ASB14: variants seen among roughly 807,000 people sequenced by gnomAD.
The protein encoded by ASB14 is ankyrin repeat and SOCS box protein 14.
In ASB14, 63 loss-of-function variants were observed where a neutral mutation model predicts 55.6. The observed-to-expected ratio is 1.13, with a 90% CI of 0.92 to 1.40. The LOEUF (loss-of-function observed/expected upper bound fraction) is 1.40. Ranked by LOEUF, ASB14 falls within the 40% of genes most tolerant of loss-of-function variation. ASB14 has a pLI of 0.00. For missense variants in ASB14, 724 were observed against 710.4 expected (o/e 1.02, Z -0.22); for synonymous variants, 256 against 259.9 (o/e 0.98, Z 0.15).
At position 57,288,001 on chromosome 3, in the gene ASB14, C is replaced by CA. The variant is rs770471078; in HGVS notation, c.368dup (p.Leu123PhefsTer24). ...TTTCTAAGAGGCAACTGCTGACAGC[C>CA]AAAAAAAGTGGCGTTTCACCATTGT... On this transcript the variant is annotated frameshift_variant, in exon 5 of 11. Coordinates refer to ENST00000487349, the MANE Select transcript of ASB14 (RefSeq NM_001142733.3). LOFTEE classifies it high-confidence loss of function. 2.1e-5 allele frequency: 33 copies of CA among 1,536,894 alleles called. No individual in the cohort carries two copies. Among genetic ancestry groups the CA allele is most frequent in the African/African-American group, 9.6e-5 (7 of 73,006 alleles).
At position 57,268,776 on chromosome 3, in the gene ASB14, A is replaced by C. The variant is rs1335569402; in HGVS notation, c.*865T>G. 1.6e-5 allele frequency: 3 copies of C among 183,730 alleles called. No homozygotes were observed. The highest frequency in any genetic ancestry group is 3.4e-5 in the Non-Finnish European group (3 of 89,322). The allele number at this position is 183,730 out of a possible 1,614,324, so 11.4% of individuals were successfully genotyped here. ...AGCAGTTGAGAGGCTGTGTAGACTTAACTGCCATTGCTGAAAGCCATTTTG... is the reference window on the plus strand; with the variant it reads ...AGCAGTTGAGAGGCTGTGTAGACTTCACTGCCATTGCTGAAAGCCATTTTG... On this transcript the variant is annotated 3_prime_UTR_variant, in exon 11 of 11. Transcript: ENST00000487349.
Position 57,278,718 on chromosome 3 carries a change from C to G in ASB14, c.1090G>C (p.Val364Leu). ...ACTGAAGAGAGGTCACTGTTTGATA[C>G]AGCAAAATACAAAGCTGACTTCCTG... is the stretch of plus-strand genomic sequence containing the variant. ...DHRKSALYFA[V>L]SNSDLSSVKL... The change falls in exon 8 of 11, where the codon GTA (valine) becomes CTA (leucine). Residue 364 changes from valine to leucine, a missense_variant. Transcript: ENST00000487349. The G allele has an allele frequency of 6.2e-7, 1 of 1,613,990 alleles. No individual in the cohort carries two copies. The highest frequency in any genetic ancestry group is 8.5e-7 in the Non-Finnish European group (1 of 1,179,974).
At chr3:57,283,613 C>T (rs1364621117) in intron 5 of ASB14, among the ~76,000 whole-genome samples, 174 bp from the exon 6 acceptor site, 1 of 152,162 alleles carries the variant, frequency 6.6e-6, no homozygotes, top group Non-Finnish European at 1.5e-5. Flanking sequence ...ATAATACTTA[C>T]TGAGAATGTT....
At chr3:57,272,662 T>G (rs2060950776) in intron 10 of ASB14, 1 of 152,176 alleles carries the variant, frequency 6.6e-6, no homozygotes, top group African/African-American at 2.4e-5. Context: ...TGCAGTGGTG[T>G]GATCTTGGGT....
intron 10 of ASB14, chr3:57,271,464 A>G (rs1240036595): frequency 1.3e-5 from 2 of 152,420 alleles, no homozygotes; most frequent in Non-Finnish European, 2.9e-5. Flanking sequence ...TAAAGTTGGA[A>G]TTTATTCTGT....
chr3:57,283,023 T>G, intron 6 of ASB14, 171 bp downstream of exon 6: 1 of 537,656 alleles, frequency 1.9e-6, no homozygotes, highest in Non-Finnish European at 2.4e-6. Context: ...TAATAAAAAA[T>G]TCAGTCTTTA....
At chr3:57,273,035 T>G in intron 10 of ASB14, 1 of 152,668 alleles carries the variant, frequency 6.6e-6, no homozygotes, top group East Asian at 1.9e-4. Context: ...CCCATGAGAT[T>G]TTGTCTTTCT....
chr3:57,291,417 C>T (rs1213065612), intron 2 of ASB14, among the ~76,000 whole-genome samples: 1 of 152,110 alleles, frequency 6.6e-6, no homozygotes, highest in Non-Finnish European at 1.5e-5. Flanking sequence ...CCCACTGGTC[C>T]TTTTTCAGTG....
intron 5 of ASB14, among the ~76,000 whole-genome samples, chr3:57,286,161 T>C (rs753921496): frequency 7.2e-5 from 11 of 152,226 alleles, no homozygotes; most frequent in Non-Finnish European, 1.2e-4. Context: ...TTGAGATGTC[T>C]GAAACCATTC....
Position 57,280,347 on chromosome 3 carries a change from G to C in ASB14, c.842C>G (p.Ser281Ter). The C allele has an allele frequency of 6.4e-7, 1 of 1,551,040 alleles. No homozygotes were observed. Among genetic ancestry groups the C allele is most frequent in the Non-Finnish European group, 8.7e-7 (1 of 1,146,566 alleles). Reference protein sequence around the residue: ...YGADANIPKNSGHLPIHVAAD... With the variant: ...YGADANIPKN ...TGCCACATGGATGGGCAGGTGGCCT[G>C]AATTCTTAGGGATGTTGGCATCAGC... is the stretch of plus-strand genomic sequence containing the variant. Residue 281 changes from serine (S) to a stop codon, truncating the protein, a stop_gained, in exon 7 of 11, where the codon TCA (serine) becomes TGA (stop). Transcript: ENST00000487349. LOFTEE classifies it high-confidence loss of function.
intron 2 of ASB14, among the ~76,000 whole-genome samples, chr3:57,290,354 C>A (rs2061119082): frequency 6.6e-6 from 1 of 152,164 alleles, no homozygotes; most frequent in Non-Finnish European, 1.5e-5. Flanking sequence ...GGGCTTAGTC[C>A]TTTTAACACT....
rs1442783411 is a variant in ASB14, at chr3:57,276,700, G to T, written c.1614C>A (p.Cys538Ter). The change falls in exon 10 of 11, where the codon TGC (cysteine) becomes TGA (stop). Residue 538 changes from cysteine to a stop codon, truncating the protein, a stop_gained. Coordinates refer to ENST00000487349, the MANE Select transcript of ASB14 (RefSeq NM_001142733.3). LOFTEE classifies it high-confidence loss of function. ...LTNPRSLKHLCRLKIRKCMGR... is the reference protein window; with the variant it reads ...LTNPRSLKHL ...CCATGCATTTCCGGATCTTTAGGCG[G>T]CACAAATGTTTTAGGGAGCGAGGGT... is the stretch of plus-strand genomic sequence containing the variant. 1.9e-6 allele frequency: 3 copies of T among 1,613,276 alleles called. No homozygotes were observed. In the East Asian group the frequency reaches 6.7e-5, roughly 36 times the overall value.
chr3:57,289,456 T>C (rs1349912866), intron 2 of ASB14, among the ~76,000 whole-genome samples: 1 of 152,150 alleles, frequency 6.6e-6, no homozygotes. Flanking sequence ...AATGTCACAC[T>C]ATCTCATGGT....
chr3:57,277,982 G>C, intron 8 of ASB14, 62 bp from the exon 9 acceptor site: 1 of 1,445,024 alleles, frequency 6.9e-7, no homozygotes, highest in Non-Finnish European at 9.5e-7. Flanking sequence ...CTATGGTTTA[G>C]CATAGTAGTC....
At chr3:57,292,127 T>A in intron 1 of ASB14, 23 bp from the exon 2 acceptor site, 1 of 1,217,974 alleles carries the variant, frequency 8.2e-7, no homozygotes, top group Non-Finnish European at 1.1e-6. Context: ...ACAAATGAAA[T>A]TCAGAAATCT....
At chr3:57,286,285 T>C (rs927623814) in intron 5 of ASB14, among the ~76,000 whole-genome samples, 2 of 152,004 alleles carry the variant, frequency 1.3e-5, no homozygotes, top group African/African-American at 2.4e-5. Flanking sequence ...TTTTTTTTTT[T>C]CAGCTTTTTA....
intron 5 of ASB14, among the ~76,000 whole-genome samples, chr3:57,287,351 G>A (rs546051933): frequency 6.6e-6 from 1 of 152,264 alleles, no homozygotes; most frequent in Admixed American, 6.5e-5. Flanking sequence ...CCGGCAGCCT[G>A]GAGGGTAAGG....
chr3:57,273,080 G>C (rs1231253509), intron 10 of ASB14: 1 of 152,460 alleles, frequency 6.6e-6, no homozygotes, highest in African/African-American at 2.4e-5. Flanking sequence ...TTTGAAACTG[G>C]AACTATATTA....
intron 6 of ASB14, among the ~76,000 whole-genome samples, chr3:57,282,344 T>C (rs1293096446): frequency 1.3e-5 from 2 of 152,216 alleles, no homozygotes; most frequent in African/African-American, 4.8e-5. Flanking sequence ...AAGATAATTC[T>C]ATTATTGAGA....
Sources: allele counts gnomAD v4.1 joint callset (sites outside exome capture counted in the v4.1 genomes callset), GRCh38; gene constraint gnomAD v4.1.1; transcripts MANE v1.5; gene names NCBI Gene and HGNC (gene_info 2026-07-23, HGNC 2026-07-21).